BMPR1B: variants seen among roughly 807,000 people sequenced by gnomAD.
BMPR1B encodes bone morphogenetic protein receptor type-1B.
A neutral mutation model predicts 59.1 loss-of-function variants in BMPR1B; 12 were observed. The observed-to-expected ratio is 0.20, with a 90% CI of 0.13 to 0.33. The LOEUF (loss-of-function observed/expected upper bound fraction) is 0.33, where lower values mean the gene tolerates loss of function less well. Ranked by LOEUF, BMPR1B falls within the 10% of genes least tolerant of loss-of-function variation. The probability of loss-of-function intolerance (pLI) is 1.00; values close to 1 mark genes in which losing one functional copy is unlikely to be tolerated. For synonymous variants in BMPR1B, 237 were observed against 207.3 expected, an observed-to-expected ratio of 1.14 and a Z score of -1.23; for missense variants, 550 against 610.9, an observed-to-expected ratio of 0.90 and a Z score of 1.05.
intron 2 of BMPR1B, among the ~76,000 whole-genome samples, chr4:94,922,579 G>T (rs1434651135): frequency 2.6e-5 from 4 of 152,036 alleles, no homozygotes; most frequent in African/African-American, 9.7e-5. Context: ...AAGCATGCGG[G>T]AACCTTTGAT....
At chr4:95,016,849 A>G (rs914035029) in intron 3 of BMPR1B, among the ~76,000 whole-genome samples, 1 of 152,216 alleles carries the variant, frequency 6.6e-6, no homozygotes. Flanking sequence ...ATGTAACTAT[A>G]TAAAGCAACA....
At chr4:95,146,815 C>T (rs1019699200) in intron 10 of BMPR1B, among the ~76,000 whole-genome samples, 3 of 152,142 alleles carry the variant, frequency 2.0e-5, no homozygotes, top group South Asian at 4.1e-4. Flanking sequence ...AGGAGGAGAG[C>T]GTGCTTTATA....
At chr4:94,807,857 G>T (rs940151885) in intron 1 of BMPR1B, among the ~76,000 whole-genome samples, 1 of 151,986 alleles carries the variant, frequency 6.6e-6, no homozygotes, top group East Asian at 1.9e-4. Flanking sequence ...GCCAATTTTT[G>T]TTCTTTTAGT....
chr4:95,109,897 TC>T (rs1731506804), intron 4 of BMPR1B, among the ~76,000 whole-genome samples: 1 of 132,370 alleles, frequency 7.6e-6, no homozygotes, highest in Non-Finnish European at 1.6e-5. Context: ...TGTGTGATGT[TC>T]CCCTTCCTGT....
chr4:95,128,272 GCCCAATGTA>G (rs1483712162), intron 8 of BMPR1B, among the ~76,000 whole-genome samples: 2 of 152,134 alleles, frequency 1.3e-5, no homozygotes, highest in African/African-American at 2.4e-5. Context: ...ATCTGGGGTG[GCCCAATGTA>G]ATTGCATGGC....
chr4:95,056,658 C>T (rs1261082420), intron 3 of BMPR1B, among the ~76,000 whole-genome samples: 12 of 152,080 alleles, frequency 7.9e-5, no homozygotes, highest in East Asian at 1.9e-4. Flanking sequence ...CTTTAATGGA[C>T]GCTCCTTGTA....
At chr4:94,980,426 T>G (rs1462064672) in intron 2 of BMPR1B, among the ~76,000 whole-genome samples, 2 of 152,054 alleles carry the variant, frequency 1.3e-5, no homozygotes, top group East Asian at 3.8e-4. Context: ...TCAGCATTGT[T>G]TTCTTCAGTG....
intron 2 of BMPR1B, among the ~76,000 whole-genome samples, chr4:94,911,328 T>C (rs560588257): frequency 6.6e-6 from 1 of 152,240 alleles, no homozygotes; most frequent in East Asian, 1.9e-4. Flanking sequence ...GAAGTCAATG[T>C]GGGGAGAAGT....
chr4:95,151,626 T>C (rs1735047764), intron 11 of BMPR1B, among the ~76,000 whole-genome samples: 2 of 152,164 alleles, frequency 1.3e-5, no homozygotes, highest in South Asian at 4.1e-4. Flanking sequence ...TCCTTGATGA[T>C]TTTATAACAG....
chr4:95,066,305 A>G (rs1321052791), intron 3 of BMPR1B, among the ~76,000 whole-genome samples: 4 of 152,240 alleles, frequency 2.6e-5, no homozygotes, highest in African/African-American at 9.6e-5. Context: ...TAGGAGGAGC[A>G]CATAGACATA....
At chr4:95,024,315 C>T (rs1489840666) in intron 3 of BMPR1B, among the ~76,000 whole-genome samples, 1 of 152,086 alleles carries the variant, frequency 6.6e-6, no homozygotes, top group Non-Finnish European at 1.5e-5. Flanking sequence ...AGTTATTTCA[C>T]GTATTTCAGG....
intron 10 of BMPR1B, among the ~76,000 whole-genome samples, chr4:95,145,378 A>G (rs1734567595): frequency 6.6e-6 from 1 of 152,126 alleles, no homozygotes; most frequent in South Asian, 2.1e-4. Flanking sequence ...TCCCCTCCAT[A>G]GCCCTCTGTG....
At chr4:94,820,339 A>G (rs1358316198) in intron 1 of BMPR1B, among the ~76,000 whole-genome samples, 1 of 152,174 alleles carries the variant, frequency 6.6e-6, no homozygotes, top group Non-Finnish European at 1.5e-5. Flanking sequence ...CCCACAAAAA[A>G]CATTTGTTTC....
intron 2 of BMPR1B, among the ~76,000 whole-genome samples, chr4:94,959,351 A>G (rs1305153020): frequency 1.3e-5 from 2 of 152,140 alleles, no homozygotes; most frequent in Non-Finnish European, 2.9e-5. Context: ...CATGTAGAAC[A>G]CCTTGAAACA....
chr4:94,869,552 T>G (rs546367799), intron 1 of BMPR1B, among the ~76,000 whole-genome samples: 1 of 152,332 alleles, frequency 6.6e-6, no homozygotes, highest in East Asian at 1.9e-4. Context: ...GGGCTATACT[T>G]CATCCCAATA....
chr4:95,091,777 C>A, intron 3 of BMPR1B: 1 of 674,788 alleles, frequency 1.5e-6, no homozygotes, highest in Non-Finnish European at 1.8e-6. Flanking sequence ...TAGACTAATT[C>A]AAGGGGATCA....
At chr4:95,049,356 C>A (rs1243157993) in intron 3 of BMPR1B, among the ~76,000 whole-genome samples, 1 of 146,760 alleles carries the variant, frequency 6.8e-6, no homozygotes, top group South Asian at 2.2e-4. Context: ...TTAGGTGATC[C>A]TCCTGCCTCA....
intron 1 of BMPR1B, among the ~76,000 whole-genome samples, chr4:94,815,500 C>A (rs1447566888): frequency 6.6e-6 from 1 of 152,126 alleles, no homozygotes; most frequent in South Asian, 2.1e-4. Context: ...AAACATCTTA[C>A]CAAATTTCTT....
intron 10 of BMPR1B, among the ~76,000 whole-genome samples, chr4:95,147,302 T>G (rs765944131): frequency 1.3e-5 from 2 of 152,210 alleles, no homozygotes; most frequent in Non-Finnish European, 1.5e-5. Context: ...ATGTAAAAAT[T>G]TTGAGATATT....
Sources: gnomAD v4.1 joint callset for allele counts (sites outside exome capture counted in the v4.1 genomes callset) on GRCh38, gnomAD v4.1.1 for gene constraint, MANE v1.5 for transcripts, NCBI Gene and HGNC (gene_info 2026-07-23, HGNC 2026-07-21) for gene names.